The following ACSS2 variants were observed in gnomAD, a reference collection of about 807,000 sequenced individuals.
The protein encoded by ACSS2 is acyl-CoA synthetase short chain family member 2.
ACSS2 carries 58 observed loss-of-function variants against 90.6 expected under a neutral mutation model. The observed-to-expected ratio is 0.64, with a 90% CI of 0.52 to 0.80. ACSS2 has a LOEUF of 0.80. ACSS2 is among the 30% of genes least tolerant of loss of function. The probability of loss-of-function intolerance (pLI) is 0.00; values close to 1 mark genes in which losing one functional copy is unlikely to be tolerated. For missense variants in ACSS2, 759 were observed against 912.0 expected, an observed-to-expected ratio of 0.83 and a Z score of 2.16; for synonymous variants, 300 against 330.9, an observed-to-expected ratio of 0.91 and a Z score of 1.01.
At chr20:34,900,053 C>T (rs1402072381) in intron 2 of ACSS2, among the ~76,000 whole-genome samples, 3 of 152,060 alleles carry the variant, frequency 2.0e-5, no homozygotes, top group Admixed American at 2.0e-4. Context: ...CCAATTTCTG[C>T]ACATGCTTGT....
intron 2 of ACSS2, among the ~76,000 whole-genome samples, chr20:34,902,644 G>A (rs1360480283): frequency 6.6e-6 from 1 of 152,112 alleles, no homozygotes; most frequent in African/African-American, 2.4e-5. Context: ...TCTATATGCA[G>A]TGGAAGCTGT....
upstream of ACSS2, chr20:34,875,218 G>A (rs2079881275): frequency 2.1e-5 from 11 of 531,798 alleles, no homozygotes; most frequent in South Asian, 1.5e-4. Context: ...TTAAGCCCAG[G>A]TTGTGGTGGT....
chr20:34,899,175 C>T (rs1029612162), intron 2 of ACSS2, among the ~76,000 whole-genome samples: 2 of 152,184 alleles, frequency 1.3e-5, no homozygotes, highest in Admixed American at 6.5e-5. Context: ...GGTTCCCGCT[C>T]GGGCCTCTCC....
intron 7 of ACSS2, among the ~76,000 whole-genome samples, chr20:34,914,963 G>A (rs1272933833): frequency 6.6e-6 from 1 of 152,154 alleles, no homozygotes; most frequent in Admixed American, 6.6e-5. Context: ...CTGGGGTTGA[G>A]TAAGAGTCTG....
At chr20:34,902,633 T>C (rs2080692794) in intron 2 of ACSS2, among the ~76,000 whole-genome samples, 1 of 152,132 alleles carries the variant, frequency 6.6e-6, no homozygotes, top group Non-Finnish European at 1.5e-5. Flanking sequence ...GCGGATTTTC[T>C]TCTATATGCA....
chr20:34,881,637 T>C (rs1476444294), intron 1 of ACSS2, among the ~76,000 whole-genome samples: 1 of 152,226 alleles, frequency 6.6e-6, no homozygotes, highest in Non-Finnish European at 1.5e-5. Context: ...CCTTGGTCTC[T>C]TTTTTTCATA....
At chr20:34,913,320 G>A (rs1568990269) in intron 3 of ACSS2, 73 bp from the exon 4 acceptor site, 1 of 1,547,536 alleles carries the variant, frequency 6.5e-7, no homozygotes. Context: ...CTGGGAGGGA[G>A]GCCAGCTGGA....
Position 34,910,375 on chromosome 20 carries a change from A to ATGGTGGC in ACSS2, c.375-2719_375-2713dup, listed in dbSNP as rs2147066434. On this transcript the variant is annotated intron_variant, in intron 2 of 17. Coordinates refer to ENST00000360596, the MANE Select transcript of ACSS2 (RefSeq NM_018677.4). ...TATTGGTAACTGTTTTGCCCTGGGC[A>ATGGTGGC]TGGTGGCTCACGCCTGTAATCCCAG... Among the ~76,000 whole-genome samples the ATGGTGGC allele has an allele frequency of 2.0e-5, 3 of 152,350 alleles. No individual in the cohort carries two copies. In the East Asian group the frequency reaches 5.8e-4, roughly 29 times the overall value.
chr20:34,878,990 C>T (rs1182097438), intron 1 of ACSS2, among the ~76,000 whole-genome samples: 2 of 150,010 alleles, frequency 1.3e-5, no homozygotes, highest in African/African-American at 4.9e-5. Flanking sequence ...CTGCAAGCTC[C>T]GCCTCCCGGG....
chr20:34,880,989 C>T (rs1209420805), intron 1 of ACSS2, among the ~76,000 whole-genome samples: 4 of 146,522 alleles, frequency 2.7e-5, no homozygotes, highest in Non-Finnish European at 4.5e-5. Flanking sequence ...TCCATTGTTA[C>T]GGTTCTAATT....
At chr20:34,876,487 C>T (rs566906292), upstream of ACSS2, 12 of 794,812 alleles carry the variant, frequency 1.5e-5, no homozygotes, top group East Asian at 2.7e-4. Flanking sequence ...AGACACGGCC[C>T]CGCCCCCTCT....
intron 1 of ACSS2, among the ~76,000 whole-genome samples, chr20:34,877,817 T>TCA (rs2079955748): frequency 2.6e-5 from 1 of 38,984 alleles, no homozygotes; most frequent in Non-Finnish European, 4.4e-5. Flanking sequence ...AGACTTTGTC[T>TCA]CAAAAAAAAA....
chr20:34,895,228 T>A (rs978621182), intron 2 of ACSS2, among the ~76,000 whole-genome samples: 3 of 152,098 alleles, frequency 2.0e-5, no homozygotes, highest in Non-Finnish European at 4.4e-5. Flanking sequence ...ACATATTATA[T>A]ACACACATAT....
At chr20:34,923,815 C>A (rs921186963) in intron 14 of ACSS2, among the ~76,000 whole-genome samples, 4 of 146,064 alleles carry the variant, frequency 2.7e-5, no homozygotes, top group Admixed American at 6.8e-5. Context: ...CCCCGCCCCC[C>A]CCACCTCCCC....
intron 14 of ACSS2, 85 bp downstream of exon 14, chr20:34,923,516 T>C (rs757819355): frequency 3.0e-5 from 28 of 926,438 alleles, no homozygotes; most frequent in Non-Finnish European, 4.2e-5. Flanking sequence ...GGTGTGTTGC[T>C]ATAAAATAAT....
intron 13 of ACSS2, 143 bp from the exon 14 acceptor site, chr20:34,923,180 A>C: frequency 1.6e-6 from 1 of 633,636 alleles, no homozygotes; most frequent in Non-Finnish European, 2.9e-6. Context: ...TAAGTGGTAG[A>C]GCTGGGATTC....
At chr20:34,919,119 G>A (rs1245215560) in intron 7 of ACSS2, among the ~76,000 whole-genome samples, 1 of 152,160 alleles carries the variant, frequency 6.6e-6, no homozygotes, top group East Asian at 1.9e-4. Context: ...TTCAGGTAAA[G>A]GCTTTCCAAG....
At chr20:34,898,376 A>G (rs2080520809) in intron 2 of ACSS2, among the ~76,000 whole-genome samples, 1 of 152,032 alleles carries the variant, frequency 6.6e-6, no homozygotes, top group African/African-American at 2.4e-5. Flanking sequence ...GGTTCTCCAC[A>G]TCTCCACCAG....
Position 34,924,792 on chromosome 20 carries a change from C to T in ACSS2, c.1658-906C>T, listed in dbSNP as rs1415465500. Among the ~76,000 whole-genome samples the T allele has an allele frequency of 2.0e-5, 3 of 152,154 alleles. No homozygotes were observed. The East Asian group carries it at 5.8e-4, about 29-fold the overall frequency. ...TCAGCTCACTGCAACCTCCACCTCCCGGGTTCAAGCAATTCTCCTGCCTCA... is the reference window on the plus strand; with the variant it reads ...TCAGCTCACTGCAACCTCCACCTCCTGGGTTCAAGCAATTCTCCTGCCTCA... On this transcript the variant is annotated intron_variant, in intron 14 of 17. Transcript: ENST00000360596.
Sources: allele counts gnomAD v4.1 joint callset (sites outside exome capture counted in the v4.1 genomes callset), GRCh38; gene constraint gnomAD v4.1.1; transcripts MANE v1.5; gene names NCBI Gene and HGNC (gene_info 2026-07-23, HGNC 2026-07-21).